CADM2: variants seen among roughly 807,000 people sequenced by gnomAD.
CADM2 encodes cell adhesion molecule 2, also known as immunoglobulin superfamily member 4D.
A neutral mutation model predicts 49.8 loss-of-function variants in CADM2; 12 were observed. The ratio of observed to expected loss-of-function variants is 0.24; its 90% CI spans 0.15 to 0.39. CADM2 has a LOEUF of 0.39. Ranked by LOEUF, CADM2 falls within the 10% of genes least tolerant of loss-of-function variation. The pLI is 1.00. For missense variants in CADM2, 378 were observed against 492.3 expected, an observed-to-expected ratio of 0.77 and a Z score of 2.20; for synonymous variants, 214 against 175.4, an observed-to-expected ratio of 1.22 and a Z score of -1.74.
intron 4 of CADM2, among the ~76,000 whole-genome samples, chr3:85,884,739 T>G (rs1559721140): frequency 6.7e-6 from 1 of 149,132 alleles, no homozygotes; most frequent in Non-Finnish European, 1.5e-5. Flanking sequence ...TTTTTTTTTT[T>G]TTTTAAAACG....
intron 1 of CADM2, among the ~76,000 whole-genome samples, chr3:85,163,697 T>A (rs1576019495): frequency 2.0e-5 from 3 of 152,224 alleles, no homozygotes; most frequent in Admixed American, 2.0e-4. Context: ...CACAGTTAAC[T>A]ATTTCATTTA....
At position 85,180,542 on chromosome 3, in the gene CADM2, AGG is replaced by A. The variant is rs150336281; in HGVS notation, c.61+220875_61+220876del. The stretch of plus-strand genomic sequence containing the variant: ...AAAAAAAAAAAAAAAAAAAAAGAGA[AGG>A]AGAAAAAATGACCACCCTACCTTCT... On this transcript the variant is annotated intron_variant, in intron 1 of 9. Transcript: ENST00000383699. 4.4e-3 allele frequency among the ~76,000 whole-genome samples: 663 copies of A among 149,974 alleles called. 6 individuals carry two copies. The highest frequency in any genetic ancestry group is 0.016 in the African/African-American group (642 of 40,858).
chr3:86,032,357 C>T (rs953606078), intron 8 of CADM2, among the ~76,000 whole-genome samples: 2 of 151,742 alleles, frequency 1.3e-5, no homozygotes, highest in East Asian at 1.9e-4. Context: ...GAATAGACAT[C>T]GAACATTTAG....
chr3:85,703,531 TAG>T (rs1206301534), intron 1 of CADM2, among the ~76,000 whole-genome samples: 1 of 151,998 alleles, frequency 6.6e-6, no homozygotes, highest in Non-Finnish European at 1.5e-5. Flanking sequence ...ATCATAACCG[TAG>T]AGTGGGGCAG....
intron 2 of CADM2, among the ~76,000 whole-genome samples, chr3:85,788,030 T>C (rs567296746): frequency 4.4e-4 from 67 of 152,264 alleles, no homozygotes; most frequent in African/African-American, 1.5e-3. Context: ...GCTGACTGTT[T>C]CTCGCCATTT....
chr3:85,260,761 T>G (rs2042998249), intron 1 of CADM2, among the ~76,000 whole-genome samples: 1 of 152,214 alleles, frequency 6.6e-6, no homozygotes. Context: ...TTAAAGCTAT[T>G]CTAAACTCTA....
At chr3:85,605,916 G>A (rs1434700348) in intron 1 of CADM2, among the ~76,000 whole-genome samples, 1 of 152,072 alleles carries the variant, frequency 6.6e-6, no homozygotes. Context: ...CATGGCCACA[G>A]TATGAGTCTA....
chr3:85,900,177 T>A (rs1237454852), intron 5 of CADM2, among the ~76,000 whole-genome samples: 3 of 152,224 alleles, frequency 2.0e-5, no homozygotes, highest in Non-Finnish European at 4.4e-5. Context: ...TTTTAAAAAT[T>A]ATTGTTTTCA....
In CADM2 at chr3:85,460,654, T is replaced by C. The variant is rs1007275419; in HGVS notation, c.62-265868T>C. Among the ~76,000 whole-genome samples the C allele has an allele frequency of 2.0e-5, 3 of 152,102 alleles. No individual in the cohort carries two copies. In the East Asian group the frequency reaches 5.8e-4, roughly 29 times the overall value. Reference sequence around the variant, plus strand: ...CAAAAAGTATCTTGTTAATAGTACATAGGAAATTGGGTAAATTTAGTATAA... The same window carrying C: ...CAAAAAGTATCTTGTTAATAGTACACAGGAAATTGGGTAAATTTAGTATAA... On this transcript the variant is annotated intron_variant, in intron 1 of 9. Coordinates refer to ENST00000383699, the MANE Select transcript of CADM2 (RefSeq NM_001167675.2).
intron 1 of CADM2, among the ~76,000 whole-genome samples, chr3:85,603,617 G>A (rs918557697): frequency 1.3e-5 from 2 of 151,770 alleles, no homozygotes; most frequent in African/African-American, 4.8e-5. Context: ...CACTGGCTCA[G>A]CACCTGTCTC....
intron 1 of CADM2, among the ~76,000 whole-genome samples, chr3:85,278,451 C>T (rs749548111): frequency 6.6e-6 from 1 of 151,278 alleles, no homozygotes; most frequent in Non-Finnish European, 1.5e-5. Flanking sequence ...ATTTTAAAGC[C>T]TAATAGGACT....
intron 7 of CADM2, among the ~76,000 whole-genome samples, chr3:85,961,165 G>A (rs920886381): frequency 6.0e-5 from 9 of 150,866 alleles, no homozygotes; most frequent in African/African-American, 1.9e-4. Flanking sequence ...TGGGGTGTGA[G>A]CCATTAGCAG....
intron 3 of CADM2, among the ~76,000 whole-genome samples, chr3:85,843,764 A>G (rs1411123999): frequency 6.6e-6 from 1 of 152,178 alleles, no homozygotes; most frequent in Admixed American, 6.5e-5. Flanking sequence ...TGCTCCAGGT[A>G]AACAACAGAA....
rs78576513 is a variant in CADM2 at position 85,603,236 on chromosome 3, C to T, written c.62-123286C>T. Among the ~76,000 whole-genome samples the T allele has an allele frequency of 1.5e-4, 23 of 151,944 alleles. No individual in the cohort carries two copies. The East Asian group carries it at 2.9e-3, about 19-fold the overall frequency. ...GAAGAATCTCCTACTTTGACTGAAC[C>T]ATGTTGAGACTCTCTTTCCAGGCTG... On this transcript the variant is annotated intron_variant, in intron 1 of 9. Transcript: ENST00000383699.
At chr3:85,746,465 C>T (rs1377593070) in intron 2 of CADM2, among the ~76,000 whole-genome samples, 1 of 152,064 alleles carries the variant, frequency 6.6e-6, no homozygotes, top group Non-Finnish European at 1.5e-5. Flanking sequence ...AACAAGTGTA[C>T]CATATAACTG....
At chr3:85,355,073 A>C (rs2031742454) in intron 1 of CADM2, among the ~76,000 whole-genome samples, 1 of 152,024 alleles carries the variant, frequency 6.6e-6, no homozygotes, top group African/African-American at 2.4e-5. Context: ...GGTAAGGTAG[A>C]GGTTGCAAAA....
intron 8 of CADM2, among the ~76,000 whole-genome samples, chr3:86,017,152 A>G (rs1020669525): frequency 3.7e-5 from 5 of 135,342 alleles, no homozygotes; most frequent in South Asian, 2.2e-4. Context: ...GTGTATATAT[A>G]TGTGTGTGTG....
chr3:85,738,043 G>A (rs2068218107), intron 2 of CADM2, among the ~76,000 whole-genome samples: 1 of 152,172 alleles, frequency 6.6e-6, no homozygotes, highest in Non-Finnish European at 1.5e-5. Context: ...TATTTGGCCT[G>A]AACAATCACC....
At chr3:85,155,899 A>G (rs1290097709) in intron 1 of CADM2, among the ~76,000 whole-genome samples, 1 of 152,208 alleles carries the variant, frequency 6.6e-6, no homozygotes, top group Non-Finnish European at 1.5e-5. Flanking sequence ...CAATGAGATC[A>G]AAGACACAAC....
Sources: gnomAD v4.1 joint callset for allele counts (sites outside exome capture counted in the v4.1 genomes callset) on GRCh38, gnomAD v4.1.1 for gene constraint, MANE v1.5 for transcripts, NCBI Gene and HGNC (gene_info 2026-07-23, HGNC 2026-07-21) for gene names.